RNGTT: variants seen among roughly 807,000 people sequenced by gnomAD.
The protein encoded by RNGTT is RNA guanylyltransferase and 5'-phosphatase, also known as mRNA-capping enzyme.
In RNGTT, 33 loss-of-function variants were observed where a neutral mutation model predicts 79.3. The observed-to-expected ratio is 0.42, with a 90% CI of 0.32 to 0.56. The LOEUF (loss-of-function observed/expected upper bound fraction) is 0.56. Ranked by LOEUF, RNGTT falls within the 20% of genes least tolerant of loss-of-function variation. The pLI is 0.17. For synonymous variants in RNGTT, 222 were observed against 235.9 expected (o/e 0.94, Z 0.54); for missense variants, 497 against 739.1 (o/e 0.67, Z 3.80).
chr6:88,779,639 C>T (rs955685492), intron 12 of RNGTT, among the ~76,000 whole-genome samples: 7 of 152,034 alleles, frequency 4.6e-5, no homozygotes, highest in Non-Finnish European at 7.4e-5. Context: ...ATTTGGAATA[C>T]TAGACTTGAT....
intron 13 of RNGTT, among the ~76,000 whole-genome samples, chr6:88,704,259 C>CA (rs35623392): frequency 0.26 from 12,802 of 48,554 alleles, 4,067 homozygotes; most frequent in East Asian, 0.44. Flanking sequence ...GACTCTGTCT[C>CA]AAAAAAAAAA....
intron 12 of RNGTT, among the ~76,000 whole-genome samples, chr6:88,778,983 T>C (rs1237645206): frequency 6.6e-6 from 1 of 152,188 alleles, no homozygotes; most frequent in Admixed American, 6.5e-5. Context: ...AATAAATCTC[T>C]TTAGAAAGTT....
intron 14 of RNGTT, among the ~76,000 whole-genome samples, chr6:88,653,040 C>T (rs1773854054): frequency 6.6e-6 from 1 of 152,100 alleles, no homozygotes; most frequent in Non-Finnish European, 1.5e-5. Flanking sequence ...ATGACTTCAG[C>T]AATAGGGATT....
At chr6:88,656,787 A>T (rs1486911150) in intron 14 of RNGTT, among the ~76,000 whole-genome samples, 1 of 151,870 alleles carries the variant, frequency 6.6e-6, no homozygotes, top group African/African-American at 2.4e-5. Context: ...ATTAAAAAAA[A>T]AAAAAAAGTA....
rs1481818942 is a variant in RNGTT at position 88,609,917 on chromosome 6, C to T, written c.*2802G>A. On this transcript the variant is annotated 3_prime_UTR_variant, in exon 16 of 16. Coordinates refer to ENST00000369485, the MANE Select transcript of RNGTT (RefSeq NM_003800.5). Reference sequence around the variant, plus strand: ...CTTCATCATTTCAGAATATTTATTGCTATTGCTGAGTATTCTAAAAAATTT... The same window carrying T: ...CTTCATCATTTCAGAATATTTATTGTTATTGCTGAGTATTCTAAAAAATTT... Among the ~76,000 whole-genome samples the T allele has an allele frequency of 1.3e-5, 2 of 152,096 alleles. No homozygotes were observed. Among genetic ancestry groups the T allele is most frequent in the African/African-American group, 4.8e-5 (2 of 41,406 alleles).
chr6:88,616,704 G>A (rs1008143173), intron 14 of RNGTT, among the ~76,000 whole-genome samples: 2 of 152,006 alleles, frequency 1.3e-5, no homozygotes, highest in Admixed American at 1.3e-4. Flanking sequence ...ACTTTCTTCA[G>A]TATACAAGAA....
chr6:88,682,151 A>G (rs1016233287), intron 13 of RNGTT, among the ~76,000 whole-genome samples: 2 of 152,216 alleles, frequency 1.3e-5, no homozygotes, highest in African/African-American at 4.8e-5. Flanking sequence ...AAACTGCTTT[A>G]AAAGTAAATT....
At chr6:88,641,409 A>T (rs964148634) in intron 14 of RNGTT, among the ~76,000 whole-genome samples, 1 of 152,160 alleles carries the variant, frequency 6.6e-6, no homozygotes, top group African/African-American at 2.4e-5. Context: ...TATACCATAA[A>T]CACTCAGGTA....
At chr6:88,660,549 T>TAAAAAAAAAAAAAAAAAAAAAAAAAAAA (rs139978224) in intron 14 of RNGTT, among the ~76,000 whole-genome samples, 1 of 144,220 alleles carries the variant, frequency 6.9e-6, no homozygotes, top group African/African-American at 2.8e-5. Context: ...GCAACAATGG[T>TAAAAAAAAAAAAAAAAAAAAAAAAAAAA]AAAAAAAAAG....
At chr6:88,870,905 C>T (rs968079214) in intron 8 of RNGTT, among the ~76,000 whole-genome samples, 2 of 152,156 alleles carry the variant, frequency 1.3e-5, no homozygotes, top group Non-Finnish European at 2.9e-5. Context: ...CTGAATTAAA[C>T]CTGGTCCTCT....
At chr6:88,755,394 CA>C (rs1777975972) in intron 13 of RNGTT, among the ~76,000 whole-genome samples, 1 of 151,358 alleles carries the variant, frequency 6.6e-6, no homozygotes, top group African/African-American at 2.4e-5. Context: ...AAACAAGATC[CA>C]AACAAAAAAA....
chr6:88,953,857 T>A (rs1305267401), intron 1 of RNGTT, among the ~76,000 whole-genome samples: 2 of 152,204 alleles, frequency 1.3e-5, no homozygotes, highest in Non-Finnish European at 2.9e-5. Flanking sequence ...CCAAGAATTT[T>A]GTATTCAGCA....
intron 11 of RNGTT, among the ~76,000 whole-genome samples, chr6:88,813,307 T>C (rs562494010): frequency 1.3e-5 from 2 of 152,252 alleles, no homozygotes; most frequent in African/African-American, 2.4e-5. Flanking sequence ...TGAGGTAGTA[T>C]GAATAAATAG....
chr6:88,738,894 T>A (rs1319231614), intron 13 of RNGTT, among the ~76,000 whole-genome samples: 2 of 150,636 alleles, frequency 1.3e-5, no homozygotes, highest in Non-Finnish European at 3.0e-5. Flanking sequence ...GAAGAAATAA[T>A]GCATTCACAT....
intron 13 of RNGTT, among the ~76,000 whole-genome samples, chr6:88,700,153 G>A (rs9362543): frequency 0.11 from 17,261 of 152,102 alleles, 1,105 homozygotes; most frequent in Middle Eastern, 0.23. Context: ...AAAATGGCCA[G>A]AAAAATCTAT....
At chr6:88,803,400 A>G (rs756494900) in intron 11 of RNGTT, among the ~76,000 whole-genome samples, 16 of 151,550 alleles carry the variant, frequency 1.1e-4, no homozygotes, top group Non-Finnish European at 2.4e-4. Context: ...ATGGTGAAAC[A>G]CCATCTCTAC....
chr6:88,879,549 G>T (rs551870784), intron 8 of RNGTT, among the ~76,000 whole-genome samples: 5 of 152,094 alleles, frequency 3.3e-5, no homozygotes, highest in African/African-American at 1.2e-4. Flanking sequence ...CACACATTGA[G>T]CACCCTGCTC....
At chr6:88,692,590 G>A (rs986383640) in intron 13 of RNGTT, among the ~76,000 whole-genome samples, 3 of 151,934 alleles carry the variant, frequency 2.0e-5, no homozygotes, top group Non-Finnish European at 2.9e-5. Flanking sequence ...ATACTAAACA[G>A]CAGATGATTG....
chr6:88,674,261 G>A (rs1774771850), intron 14 of RNGTT, among the ~76,000 whole-genome samples: 1 of 152,156 alleles, frequency 6.6e-6, no homozygotes, highest in Admixed American at 6.5e-5. Flanking sequence ...TGTTGATATT[G>A]TGGTGGCCAG....
Sources: allele counts gnomAD v4.1 joint callset (sites outside exome capture counted in the v4.1 genomes callset), GRCh38; gene constraint gnomAD v4.1.1; transcripts MANE v1.5; gene names NCBI Gene and HGNC (gene_info 2026-07-23, HGNC 2026-07-21).